MTUS2: variants seen among roughly 807,000 people sequenced by gnomAD.
The protein encoded by MTUS2 is microtubule associated scaffold protein 2, also known as microtubule-associated tumor suppressor candidate 2.
Under a neutral mutation model 114.1 loss-of-function variants are expected in MTUS2, and 40 were observed. That is an observed-to-expected ratio of 0.35 (90% CI 0.27 to 0.46). MTUS2 has a LOEUF of 0.46. MTUS2 is among the 20% of genes least tolerant of loss of function. The pLI is 1.00. For synonymous variants in MTUS2, 688 were observed against 672.0 expected (o/e 1.02, Z -0.37); for missense variants, 1,679 against 1,705.4 (o/e 0.98, Z 0.27).
At chr13:29,248,950 A>T (rs1897025651) in intron 5 of MTUS2, among the ~76,000 whole-genome samples, 1 of 151,994 alleles carries the variant, frequency 6.6e-6, no homozygotes, top group Non-Finnish European at 1.5e-5. Flanking sequence ...GTATGCATGT[A>T]TCTTTATAAC....
chr13:28,834,002 CGTT>C (rs892026985), intron 1 of MTUS2, among the ~76,000 whole-genome samples: 17 of 151,836 alleles, frequency 1.1e-4, no homozygotes, highest in South Asian at 4.2e-4. Context: ...AACTGCAAAA[CGTT>C]GTTAAAAGAA....
rs1354889442 is a variant in MTUS2 at position 29,317,727 on chromosome 13, C to T, written c.2807-6886C>T. Reference sequence around the variant, plus strand: ...TGCTGGGATTACAGGCGTGAGCCACCGCGCCCGGCCTCTCTCTTTAGTTTA... The same window carrying T: ...TGCTGGGATTACAGGCGTGAGCCACTGCGCCCGGCCTCTCTCTTTAGTTTA... On this transcript the variant is annotated intron_variant, in intron 6 of 15. Transcript: ENST00000612955. Among the ~76,000 whole-genome samples, 3 of 151,174 alleles carry T rather than the reference C, an allele frequency of 2.0e-5. 1 individual carries two copies. The highest frequency in any genetic ancestry group is 4.4e-5 in the Non-Finnish European group (3 of 67,800).
At chr13:29,364,073 C>T (rs959060757) in intron 8 of MTUS2, among the ~76,000 whole-genome samples, 2 of 152,172 alleles carry the variant, frequency 1.3e-5, no homozygotes, top group African/African-American at 4.8e-5. Flanking sequence ...TGCTACTTCT[C>T]CCTCTCTTCA....
intron 4 of MTUS2, among the ~76,000 whole-genome samples, chr13:29,042,947 T>G (rs1887440701): frequency 6.6e-6 from 1 of 152,118 alleles, no homozygotes; most frequent in African/African-American, 2.4e-5. Context: ...TTGTATAATT[T>G]TTTCTTACAA....
intron 5 of MTUS2, among the ~76,000 whole-genome samples, chr13:29,214,980 G>T (rs987745970): frequency 1.3e-5 from 2 of 151,782 alleles, no homozygotes; most frequent in Non-Finnish European, 2.9e-5. Context: ...CATTCTTTCT[G>T]TCACTTTCAG....
At chr13:29,389,333 A>ATGTGTATATATGTATACACATATGTGTG (rs1566172377) in intron 8 of MTUS2, among the ~76,000 whole-genome samples, 4 of 55,746 alleles carry the variant, frequency 7.2e-5, no homozygotes, top group Admixed American at 2.4e-4. Context: ...ATGTGTGTAT[A>ATGTGTATATATGTATACACATATGTGTG]TATGTATGCA....
chr13:29,113,508 G>A (rs1403210074), intron 5 of MTUS2, among the ~76,000 whole-genome samples: 1 of 152,134 alleles, frequency 6.6e-6, no homozygotes, highest in Non-Finnish European at 1.5e-5. Context: ...TCTTGATACG[G>A]TAGCCACTAG....
chr13:29,107,215 A>G (rs1017767012), intron 5 of MTUS2, among the ~76,000 whole-genome samples: 25 of 152,048 alleles, frequency 1.6e-4, no homozygotes, highest in Admixed American at 1.6e-3. Flanking sequence ...ATTACCTACT[A>G]GTTCTTGTAG....
intron 5 of MTUS2, among the ~76,000 whole-genome samples, chr13:29,279,184 A>G (rs1304568702): frequency 6.6e-6 from 1 of 152,178 alleles, no homozygotes; most frequent in Non-Finnish European, 1.5e-5. Context: ...TGAAGAAACT[A>G]TGATGCAAGA....
chr13:29,304,676 C>A (rs1899358668), intron 6 of MTUS2, among the ~76,000 whole-genome samples: 1 of 152,128 alleles, frequency 6.6e-6, no homozygotes, highest in African/African-American at 2.4e-5. Flanking sequence ...TAAACTCCCA[C>A]AGAATAATAG....
At chr13:29,284,393 G>A (rs1169135247) in intron 6 of MTUS2, among the ~76,000 whole-genome samples, 1 of 127,362 alleles carries the variant, frequency 7.9e-6, no homozygotes, top group Non-Finnish European at 1.6e-5. Flanking sequence ...AGAAGAATAA[G>A]CTATTTTTTA....
chr13:28,886,184 G>T (rs1290152199), intron 2 of MTUS2, among the ~76,000 whole-genome samples: 1 of 152,176 alleles, frequency 6.6e-6, no homozygotes, highest in Non-Finnish European at 1.5e-5. Context: ...GTAGGCCATT[G>T]TTAGGACTTT....
At chr13:28,847,090 C>T (rs1251314147) in intron 2 of MTUS2, among the ~76,000 whole-genome samples, 5 of 152,150 alleles carry the variant, frequency 3.3e-5, no homozygotes, top group Non-Finnish European at 5.9e-5. Flanking sequence ...TGGAAGAGTT[C>T]ATGTCCTCGT....
intron 2 of MTUS2, among the ~76,000 whole-genome samples, chr13:28,896,734 C>T (rs571759873): frequency 2.4e-4 from 37 of 152,280 alleles, no homozygotes; most frequent in African/African-American, 8.9e-4. Context: ...ACACAGCCCT[C>T]AGAAATAATG....
chr13:28,908,610 A>G (rs531955004), intron 2 of MTUS2, among the ~76,000 whole-genome samples: 2 of 151,544 alleles, frequency 1.3e-5, no homozygotes, highest in African/African-American at 2.4e-5. Context: ...ATACATGTGC[A>G]TGTGTCTTTA....
chr13:28,989,833 C>CTT (rs1013962265), intron 2 of MTUS2, among the ~76,000 whole-genome samples: 1 of 124,746 alleles, frequency 8.0e-6, no homozygotes, highest in African/African-American at 2.9e-5. Context: ...GGCTTTGGGC[C>CTT]TTTTTTTTGT....
chr13:29,283,011 G>C (rs4112559), intron 6 of MTUS2, among the ~76,000 whole-genome samples: 10,701 of 152,180 alleles, frequency 0.07, 713 homozygotes, highest in East Asian at 0.3. Flanking sequence ...TGAGTGGGTG[G>C]CATTGTTTCT....
chr13:28,918,447 G>A (rs1045645826), intron 2 of MTUS2, among the ~76,000 whole-genome samples: 1 of 151,838 alleles, frequency 6.6e-6, no homozygotes, highest in African/African-American at 2.4e-5. Flanking sequence ...TACAGTTTTT[G>A]TCTTGAAATC....
At chr13:28,836,598 A>G (rs1241575169) in intron 1 of MTUS2, among the ~76,000 whole-genome samples, 2 of 152,152 alleles carry the variant, frequency 1.3e-5, no homozygotes, top group Non-Finnish European at 2.9e-5. Flanking sequence ...TCTGGGAAAG[A>G]GTTGGTAGTG....
Sources: gnomAD v4.1 joint callset for allele counts (sites outside exome capture counted in the v4.1 genomes callset) on GRCh38, gnomAD v4.1.1 for gene constraint, MANE v1.5 for transcripts, NCBI Gene and HGNC (gene_info 2026-07-23, HGNC 2026-07-21) for gene names.